The following COL23A1 variants were observed in gnomAD, a reference collection of about 807,000 sequenced individuals.
COL23A1 encodes collagen type XXIII alpha 1 chain, also known as collagen alpha-1(XXIII) chain.
COL23A1 carries 97 observed loss-of-function variants against 99.3 expected under a neutral mutation model. The ratio of observed to expected loss-of-function variants is 0.98; its 90% CI spans 0.83 to 1.16. The LOEUF (loss-of-function observed/expected upper bound fraction) is 1.16. Ranked by LOEUF, COL23A1 falls within the 50% of genes most tolerant of loss-of-function variation. The pLI is 0.00. For missense variants in COL23A1, 762 were observed against 757.4 expected (o/e 1.01, Z -0.07); for synonymous variants, 320 against 308.2 (o/e 1.04, Z -0.40).
intron 9 of COL23A1, among the ~76,000 whole-genome samples, 191 bp from the exon 10 acceptor site, chr5:178,262,443 G>A (rs775748279): frequency 5.9e-5 from 9 of 152,280 alleles, no homozygotes; most frequent in Middle Eastern, 3.4e-3. Context: ...CCACTGGCCC[G>A]GTGTGACAAG....
At chr5:178,418,585 C>T (rs1765433175) in intron 2 of COL23A1, among the ~76,000 whole-genome samples, 1 of 152,270 alleles carries the variant, frequency 6.6e-6, no homozygotes, top group African/African-American at 2.4e-5. Flanking sequence ...CTCAAACCCA[C>T]TGGTGCTTGG....
chr5:178,535,180 A>T (rs1436668875), intron 2 of COL23A1, among the ~76,000 whole-genome samples: 2 of 151,956 alleles, frequency 1.3e-5, no homozygotes, highest in Non-Finnish European at 1.5e-5. Context: ...CACCATGTTG[A>T]CCACGTTGGT....
intron 2 of COL23A1, among the ~76,000 whole-genome samples, chr5:178,453,585 C>A (rs1353023566): frequency 6.6e-6 from 1 of 152,192 alleles, no homozygotes; most frequent in Non-Finnish European, 1.5e-5. Flanking sequence ...TGCACTTTCA[C>A]AGACTTCCAA....
chr5:178,242,539 A>T, intron 25 of COL23A1, 145 bp from the exon 26 acceptor site: 1 of 768,302 alleles, frequency 1.3e-6, no homozygotes, highest in South Asian at 1.6e-5. Context: ...CCCTAGCTGT[A>T]GGTGATACAC....
In COL23A1 at chr5:178,434,145, G is replaced by T. The variant is rs1402187727; in HGVS notation, c.361+126537C>A. The stretch of plus-strand genomic sequence containing the variant: ...CTCACACACCCTCCCAATGCCTCAG[G>T]AAACAGCGACTGTCATCTTCTCCAC... On this transcript the variant is annotated intron_variant, in intron 2 of 28. Transcript: ENST00000390654. This position sits in a 1 kb window ranked among gnomAD's most constrained non-coding sequence, Gnocchi z 4.3. 6.6e-6 allele frequency among the ~76,000 whole-genome samples: 1 copy of T among 152,232 alleles called. No individual in the cohort carries two copies. The highest frequency in any genetic ancestry group is 1.5e-5 in the Non-Finnish European group (1 of 68,044).
chr5:178,507,533 A>G (rs1008497452), intron 2 of COL23A1, among the ~76,000 whole-genome samples: 2 of 152,234 alleles, frequency 1.3e-5, no homozygotes, highest in African/African-American at 4.8e-5. Context: ...GGCCTGGTGC[A>G]TGGTCGACAG....
At position 178,366,004 on chromosome 5, in the gene COL23A1, C is replaced by T. The variant is rs1025234987; in HGVS notation, c.362-59085G>A. ...CCCTCCTCAAGTGGGTCACTCCTCA[C>T]GGCCTGTGAGTTCACCTCTTCATCT... On this transcript the variant is annotated intron_variant, in intron 2 of 28. Coordinates refer to ENST00000390654, the MANE Select transcript of COL23A1 (RefSeq NM_173465.4). This position sits in a 1 kb window ranked among gnomAD's most constrained non-coding sequence, Gnocchi z 4.4. 2.6e-5 allele frequency among the ~76,000 whole-genome samples: 4 copies of T among 152,152 alleles called. No individual in the cohort carries two copies. The highest frequency in any genetic ancestry group is 1.9e-4 in the East Asian group (1 of 5,182).
intron 2 of COL23A1, among the ~76,000 whole-genome samples, chr5:178,424,773 C>T (rs1765819553): frequency 1.3e-5 from 2 of 152,232 alleles, no homozygotes; most frequent in Non-Finnish European, 2.9e-5. Flanking sequence ...GTTACAGACA[C>T]TGAATCCATA....
chr5:178,466,495 G>A (rs1032833360), intron 2 of COL23A1, among the ~76,000 whole-genome samples: 3 of 152,178 alleles, frequency 2.0e-5, no homozygotes, highest in East Asian at 3.9e-4. Flanking sequence ...ACAGGTCTGC[G>A]CATCCCTGGC....
intron 1 of COL23A1, among the ~76,000 whole-genome samples, chr5:178,588,947 C>T (rs1048892960): frequency 6.6e-6 from 1 of 152,222 alleles, no homozygotes; most frequent in Non-Finnish European, 1.5e-5. Context: ...GAGCAGCCAT[C>T]TATCCCAGGA....
At chr5:178,253,448 C>G (rs1397788104) in intron 16 of COL23A1, among the ~76,000 whole-genome samples, 1 of 152,008 alleles carries the variant, frequency 6.6e-6, no homozygotes, top group Non-Finnish European at 1.5e-5. Context: ...CATATCATTC[C>G]CTAGCTAGCC....
intron 6 of COL23A1, 76 bp downstream of exon 6, chr5:178,270,261 T>G: frequency 6.4e-7 from 1 of 1,563,864 alleles, no homozygotes; most frequent in Non-Finnish European, 8.8e-7. Context: ...TTCCCTCCAG[T>G]GCCTGCTGGT....
intron 2 of COL23A1, among the ~76,000 whole-genome samples, chr5:178,422,714 C>A (rs566087150): frequency 6.6e-6 from 1 of 152,118 alleles, no homozygotes; most frequent in African/African-American, 2.4e-5. Context: ...TGCATTTCCA[C>A]GTAACGCCGG....
At chr5:178,332,196 G>C (rs566128764) in intron 2 of COL23A1, among the ~76,000 whole-genome samples, 70 of 152,332 alleles carry the variant, frequency 4.6e-4, no homozygotes, top group African/African-American at 1.7e-3. Flanking sequence ...GTCGTCTGCA[G>C]CTTTTGGTCA....
chr5:178,325,904 C>T (rs1033616164), intron 2 of COL23A1, among the ~76,000 whole-genome samples: 1 of 152,198 alleles, frequency 6.6e-6, no homozygotes, highest in Non-Finnish European at 1.5e-5. Context: ...TGTGCCTGCC[C>T]AGTCTGTCCA....
chr5:178,589,277 G>A lies in COL23A1; in HGVS notation c.294+627C>T, dbSNP rs1764147231. On this transcript the variant is annotated intron_variant, in intron 1 of 28. Transcript: ENST00000390654. The surrounding 1 kb of genome is among the most constrained non-coding windows in gnomAD (Gnocchi z 5.4). The stretch of plus-strand genomic sequence containing the variant: ...TGGCACCGCCTGAAACCAGAATCCA[G>A]GTCCTCCACCCCCGATTGTTTCTCC... Among the ~76,000 whole-genome samples, 1 of 152,122 alleles carries A rather than the reference G, an allele frequency of 6.6e-6. No homozygotes were observed. The highest frequency in any genetic ancestry group is 2.4e-5 in the African/African-American group (1 of 41,420).
chr5:178,414,509 C>T (rs902147888), intron 2 of COL23A1, among the ~76,000 whole-genome samples: 6 of 152,100 alleles, frequency 3.9e-5, no homozygotes, highest in Non-Finnish European at 8.8e-5. Context: ...TGGTGGCTCA[C>T]GCCTGTGATC....
intron 2 of COL23A1, among the ~76,000 whole-genome samples, chr5:178,398,962 C>T (rs1376461070): frequency 3.3e-5 from 5 of 152,240 alleles, no homozygotes; most frequent in South Asian, 2.1e-4. Flanking sequence ...GGTGGAGAGA[C>T]TGCATTCTGC....
chr5:178,500,281 A>G (rs767955378), intron 2 of COL23A1, among the ~76,000 whole-genome samples: 8 of 152,020 alleles, frequency 5.3e-5, no homozygotes, highest in Non-Finnish European at 1.2e-4. Flanking sequence ...TATTTCAATG[A>G]GACTGTTTAA....
Sources: allele counts gnomAD v4.1 joint callset (sites outside exome capture counted in the v4.1 genomes callset), GRCh38; gene constraint gnomAD v4.1.1; non-coding constraint Gnocchi (gnomAD v3.1); transcripts MANE v1.5; gene names NCBI Gene and HGNC (gene_info 2026-07-23, HGNC 2026-07-21).